Variants in CTNNA3 observed in about 807,000 individuals in gnomAD.
CTNNA3 encodes the protein catenin alpha 3.
CTNNA3 carries 76 observed loss-of-function variants against 95.7 expected under a neutral mutation model. The ratio of observed to expected loss-of-function variants is 0.79; its 90% CI spans 0.66 to 0.96. CTNNA3 has a LOEUF of 0.96. CTNNA3 is among the 40% of genes least tolerant of loss of function. The pLI, the probability that CTNNA3 is intolerant of heterozygous loss-of-function variation, is 0.00. For synonymous variants in CTNNA3, 431 were observed against 374.4 expected (o/e 1.15, Z -1.74); for missense variants, 1,191 against 1,089.8 (o/e 1.09, Z -1.31).
chr10:67,292,415 C>G (rs994033517), intron 5 of CTNNA3, among the ~76,000 whole-genome samples: 1 of 151,862 alleles, frequency 6.6e-6, no homozygotes, highest in Non-Finnish European at 1.5e-5. Context: ...TTTCCGAGTC[C>G]CAACAAAGTA....
intron 2 of CTNNA3, among the ~76,000 whole-genome samples, chr10:67,641,660 T>C (rs1209835274): frequency 6.6e-6 from 1 of 152,190 alleles, no homozygotes; most frequent in Non-Finnish European, 1.5e-5. Flanking sequence ...ATATACACCA[T>C]GGAATAGTAT....
At chr10:67,626,575 A>T (rs1194111868) in intron 2 of CTNNA3, among the ~76,000 whole-genome samples, 4 of 152,202 alleles carry the variant, frequency 2.6e-5, no homozygotes, top group Non-Finnish European at 5.9e-5. Context: ...TGGGACTTTG[A>T]GTGACCCTGA....
chr10:66,330,583 C>T (rs909367063), intron 12 of CTNNA3, among the ~76,000 whole-genome samples: 2 of 152,024 alleles, frequency 1.3e-5, no homozygotes, highest in East Asian at 1.9e-4. Flanking sequence ...TGGGTATACA[C>T]CCAGCAATGG....
At chr10:66,525,882 G>A (rs1257185390) in intron 10 of CTNNA3, among the ~76,000 whole-genome samples, 1 of 151,988 alleles carries the variant, frequency 6.6e-6, no homozygotes, top group Non-Finnish European at 1.5e-5. Context: ...TAGATACTTC[G>A]TATAAGTGGA....
chr10:66,801,796 A>G (rs1278283451), intron 7 of CTNNA3, among the ~76,000 whole-genome samples: 2 of 151,664 alleles, frequency 1.3e-5, no homozygotes, highest in Non-Finnish European at 3.0e-5. Context: ...AGGATGGACA[A>G]AAGAATCTCA....
At chr10:66,410,739 GC>G (rs1158712514) in intron 11 of CTNNA3, among the ~76,000 whole-genome samples, 2 of 152,058 alleles carry the variant, frequency 1.3e-5, no homozygotes, top group African/African-American at 4.8e-5. Flanking sequence ...CCCATCTTTT[GC>G]CTACTTCTCC....
chr10:66,347,172 G>A (rs1455320271), intron 12 of CTNNA3, among the ~76,000 whole-genome samples: 1 of 151,862 alleles, frequency 6.6e-6, no homozygotes, highest in Non-Finnish European at 1.5e-5. Flanking sequence ...AAATATACAT[G>A]TCATTTCCTA....
At chr10:67,456,901 T>C (rs1175788916) in intron 5 of CTNNA3, among the ~76,000 whole-genome samples, 1 of 152,072 alleles carries the variant, frequency 6.6e-6, no homozygotes, top group Admixed American at 6.6e-5. Flanking sequence ...GAGCCAACTC[T>C]AGCAGAAAGC....
intron 13 of CTNNA3, among the ~76,000 whole-genome samples, chr10:66,250,099 A>G (rs1425799801): frequency 6.6e-6 from 1 of 152,196 alleles, no homozygotes; most frequent in Non-Finnish European, 1.5e-5. Flanking sequence ...TTGCAACAAC[A>G]TGGATGGAAC....
intron 17 of CTNNA3, among the ~76,000 whole-genome samples, chr10:65,951,999 C>T (rs1327501496): frequency 3.8e-5 from 5 of 132,482 alleles, no homozygotes; most frequent in Non-Finnish European, 7.6e-5. Context: ...CATTGCACTC[C>T]AGACCGGGCG....
intron 5 of CTNNA3, among the ~76,000 whole-genome samples, chr10:67,337,618 A>T (rs1048570774): frequency 8.5e-5 from 13 of 152,096 alleles, no homozygotes; most frequent in African/African-American, 2.7e-4. Flanking sequence ...CTATAGAGAA[A>T]TTTTTCATTA....
intron 3 of CTNNA3, among the ~76,000 whole-genome samples, chr10:67,549,987 G>A (rs1010900708): frequency 2.0e-5 from 3 of 152,150 alleles, no homozygotes; most frequent in Admixed American, 6.5e-5. Context: ...TTCATAATCT[G>A]TTTTTTTAAA....
intron 5 of CTNNA3, among the ~76,000 whole-genome samples, chr10:67,294,113 A>T (rs182197042): frequency 4.6e-5 from 7 of 152,298 alleles, no homozygotes; most frequent in African/African-American, 1.4e-4. Flanking sequence ...AGGCTTTTTC[A>T]TCCTACAAAG....
intron 6 of CTNNA3, among the ~76,000 whole-genome samples, chr10:67,180,991 G>A (rs1396838645): frequency 5.3e-5 from 8 of 152,160 alleles, no homozygotes; most frequent in Admixed American, 5.2e-4. Context: ...GAAGTAGGCA[G>A]CAAAGTATTA....
chr10:67,008,186 C>A (rs1852119144), intron 7 of CTNNA3, among the ~76,000 whole-genome samples: 1 of 151,636 alleles, frequency 6.6e-6, no homozygotes. Context: ...AAAACTTATG[C>A]TTTAAAAAGT....
rs1589442588 is a variant in CTNNA3 at position 66,114,917 on chromosome 10, T to C, written c.1885-11668A>G. On this transcript the variant is annotated intron_variant, in intron 13 of 17. Coordinates refer to ENST00000433211, the MANE Select transcript of CTNNA3 (RefSeq NM_013266.4). ...AAAAGAAAAAGTAAAAGAAAATATATCAACATATTTTATTAATTATCATCT... is the reference window on the plus strand; with the variant it reads ...AAAAGAAAAAGTAAAAGAAAATATACCAACATATTTTATTAATTATCATCT... 4.0e-5 allele frequency among the ~76,000 whole-genome samples: 6 copies of C among 151,790 alleles called. No homozygotes were observed. The South Asian group carries it at 1.2e-3, about 32-fold the overall frequency.
chr10:66,235,196 T>C (rs901296688), intron 13 of CTNNA3, among the ~76,000 whole-genome samples: 1 of 152,198 alleles, frequency 6.6e-6, no homozygotes, highest in African/African-American at 2.4e-5. Flanking sequence ...TAAATATCGT[T>C]GTTTTAAACC....
chr10:66,972,700 A>ATTTTTT (rs56664927), intron 7 of CTNNA3, among the ~76,000 whole-genome samples: 4 of 108,656 alleles, frequency 3.7e-5, no homozygotes, highest in Non-Finnish European at 1.9e-5. Flanking sequence ...TGTCAAATAG[A>ATTTTTT]TTTTTTTTTT....
chr10:66,564,366 T>C (rs1842643109), intron 10 of CTNNA3, among the ~76,000 whole-genome samples: 1 of 152,136 alleles, frequency 6.6e-6, no homozygotes, highest in African/African-American at 2.4e-5. Flanking sequence ...GGCTTCAGTG[T>C]CATACAGGTT....
Sources: allele counts gnomAD v4.1 joint callset (sites outside exome capture counted in the v4.1 genomes callset), GRCh38; gene constraint gnomAD v4.1.1; transcripts MANE v1.5; gene names NCBI Gene and HGNC (gene_info 2026-07-23, HGNC 2026-07-21).